Variants in TAF6 observed in about 807,000 individuals in gnomAD.
The protein encoded by TAF6 is transcription initiation factor TFIID subunit 6.
A neutral mutation model predicts 73.5 loss-of-function variants in TAF6; 50 were observed. That is an observed-to-expected ratio of 0.68 (90% CI 0.54 to 0.86). The LOEUF is 0.86. Ranked by LOEUF, TAF6 falls within the 40% of genes least tolerant of loss-of-function variation. TAF6 has a pLI of 0.00. For missense variants in TAF6, 768 were observed against 899.5 expected (o/e 0.85, Z 1.87); for synonymous variants, 424 against 376.7 (o/e 1.13, Z -1.45).
At chr7:100,109,879 T>C in intron 12 of TAF6, 69 bp downstream of exon 12, 2 of 1,585,844 alleles carry the variant, frequency 1.3e-6, no homozygotes, top group African/African-American at 2.7e-5. Flanking sequence ...GTGAATAAAA[T>C]ATGCCATATG....
At chr7:100,122,804 A>C, upstream of TAF6, 1 of 1,613,874 alleles carries the variant, frequency 6.2e-7, no homozygotes, top group Non-Finnish European at 8.5e-7. Context: ...AGACCATGGC[A>C]ACACTGAAAG....
At position 100,113,987 on chromosome 7, in the gene TAF6, A is replaced by G. The variant is rs369655660; in HGVS notation, c.157-33T>C. The G allele has an allele frequency of 1.9e-5, 31 of 1,614,126 alleles. No individual in the cohort carries two copies. The African/African-American group carries it at 3.9e-4, about 20-fold the overall frequency. On this transcript the variant is annotated intron_variant, in intron 2 of 14. Coordinates refer to ENST00000453269, the MANE Select transcript of TAF6 (RefSeq NM_139315.3). ...CGGTGACAGAACAGACATCAGCCCA[A>G]AATCCTAAGGACGGGGCCCTGGGTG...
At chr7:100,122,651 T>A (rs775350218), upstream of TAF6, 89 of 1,510,562 alleles carry the variant, frequency 5.9e-5, no homozygotes, top group Non-Finnish European at 7.8e-5. Context: ...CCTCCAGAGG[T>A]TATCTGCCCA....
upstream of TAF6, chr7:100,119,533 C>G: frequency 4.4e-6 from 6 of 1,357,276 alleles, no homozygotes; most frequent in South Asian, 1.5e-5. Context: ...CCTTCACTAC[C>G]CGGCTGCCAG....
At chr7:100,121,151 C>CTTT (rs1798054032), upstream of TAF6, 1 of 90,740 alleles carries the variant, frequency 1.1e-5, no homozygotes, top group African/African-American at 4.5e-5. Flanking sequence ...TTTTTTTTTT[C>CTTT]TCTTTTCAGA....
upstream of TAF6, chr7:100,120,000 T>C (rs1797982595): frequency 2.8e-6 from 2 of 720,456 alleles, no homozygotes; most frequent in Non-Finnish European, 4.3e-6. Flanking sequence ...CTTGGCTGAA[T>C]TTGGATGGGG....
chr7:100,112,735 CA>C, intron 6 of TAF6, 62 bp downstream of exon 6: 1 of 1,517,428 alleles, frequency 6.6e-7, no homozygotes, highest in Non-Finnish European at 8.8e-7. Context: ...AAAAAGGAAA[CA>C]AAACAAACGG....
At chr7:100,123,714 G>T (rs1189500038), upstream of TAF6, among the ~76,000 whole-genome samples, 1 of 152,112 alleles carries the variant, frequency 6.6e-6, no homozygotes, top group African/African-American at 2.4e-5. Context: ...TAGAGACGGG[G>T]TTTCATCATG....
the TAF6 span, among the ~76,000 whole-genome samples, chr7:100,126,011 C>G: frequency 2.6e-5 from 4 of 152,180 alleles, no homozygotes; most frequent in South Asian, 6.2e-4. Flanking sequence ...ACGGTGAAAG[C>G]CCGTCTCTAC....
the TAF6 span, chr7:100,124,845 C>G: frequency 6.2e-7 from 1 of 1,608,516 alleles, no homozygotes; most frequent in South Asian, 1.1e-5. Context: ...GACAAGATGA[C>G]CAAGACAGGA....
At chr7:100,113,979 T>C in intron 2 of TAF6, 25 bp from the exon 3 acceptor site, 1 of 1,614,068 alleles carries the variant, frequency 6.2e-7, no homozygotes. Context: ...AGAACAGACA[T>C]CAGCCCAAAA....
chr7:100,123,055 G>A (rs536019972), upstream of TAF6: 13 of 846,782 alleles, frequency 1.5e-5, no homozygotes, highest in East Asian at 3.4e-4. Context: ...AGTGGGTCCA[G>A]GAGCGGTGGG....
chr7:100,122,385 C>CGTGAGTCCT (rs765634851), upstream of TAF6: 1 of 1,614,090 alleles, frequency 6.2e-7, no homozygotes, highest in South Asian at 1.1e-5. Flanking sequence ...TACAGCGTTT[C>CGTGAGTCCT]GTGAGTCCTT....
At chr7:100,107,738 T>C (rs1440334635) in intron 14 of TAF6, 115 bp from the exon 15 acceptor site, 15 of 1,468,880 alleles carry the variant, frequency 1.0e-5, no homozygotes, top group Non-Finnish European at 1.4e-5. Flanking sequence ...TAGTTCACCC[T>C]GTAGACAGCT....
At chr7:100,111,394 C>T (rs376808076) in intron 9 of TAF6, 73 bp from the exon 10 acceptor site, 8 of 1,534,380 alleles carry the variant, frequency 5.2e-6, no homozygotes, top group Admixed American at 1.8e-5. Flanking sequence ...GCTCTGTCAC[C>T]CAGGCTGGTG....
At chr7:100,107,764 G>A in intron 14 of TAF6, 141 bp from the exon 15 acceptor site, 1 of 1,407,650 alleles carries the variant, frequency 7.1e-7, no homozygotes, top group Non-Finnish European at 9.5e-7. Flanking sequence ...TGGAGACCTT[G>A]TTCATGCAGG....
chr7:100,107,453 G>A lies in TAF6; in HGVS notation c.1827C>T (p.Val609=). 1 of 1,612,928 alleles carries A rather than the reference G, an allele frequency of 6.2e-7. No homozygotes were observed. The highest frequency in any genetic ancestry group is 8.5e-7 in the Non-Finnish European group (1 of 1,179,186). Reference sequence around the variant, plus strand: ...TGCCCTCCCCTGTTGGGGGAAGTGAGACCACGATGTACTTCTGGACACTCC... The same window carrying A: ...TGCCCTCCCCTGTTGGGGGAAGTGAAACCACGATGTACTTCTGGACACTCC... ...GPGSVQKYIV[V]SLPPTGEGKG... Residue 609 remains valine, a synonymous_variant, in exon 15 of 15, where the codon GTC becomes GTT. Transcript: ENST00000453269.
chr7:100,113,264 C>T, intron 5 of TAF6, 85 bp downstream of exon 5: 2 of 1,305,424 alleles, frequency 1.5e-6, no homozygotes, highest in Non-Finnish European at 1.0e-6. Context: ...GCACAGGCAA[C>T]AGAGTGAGAC....
intron 13 of TAF6, 87 bp from the exon 14 acceptor site, chr7:100,108,210 C>T (rs1796765929): frequency 8.1e-6 from 12 of 1,474,902 alleles, no homozygotes; most frequent in Non-Finnish European, 1.1e-5. Flanking sequence ...CCTCGCTCTT[C>T]CTCAGTGGCT....
Sources: allele counts gnomAD v4.1 joint callset (sites outside exome capture counted in the v4.1 genomes callset), GRCh38; gene constraint gnomAD v4.1.1; transcripts MANE v1.5; gene names NCBI Gene and HGNC (gene_info 2026-07-23, HGNC 2026-07-21).